Variants in ELMOD1 observed in about 807,000 individuals in gnomAD.
The protein encoded by ELMOD1 is ELMO domain containing 1.
Under a neutral mutation model 46.7 loss-of-function variants are expected in ELMOD1, and 21 were observed. The ratio of observed to expected loss-of-function variants is 0.45; its 90% CI spans 0.32 to 0.65. ELMOD1 has a LOEUF of 0.65. Ranked by LOEUF, ELMOD1 falls within the 30% of genes least tolerant of loss-of-function variation. The pLI is 0.04. For missense variants in ELMOD1, 348 were observed against 407.8 expected (o/e 0.85, Z 1.26); for synonymous variants, 122 against 138.2 (o/e 0.88, Z 0.82).
At chr11:107,614,525 G>A (rs1157547877) in intron 1 of ELMOD1, among the ~76,000 whole-genome samples, 1 of 152,104 alleles carries the variant, frequency 6.6e-6, no homozygotes, top group East Asian at 1.9e-4. Flanking sequence ...TTTTAGTACA[G>A]ACAGGGTTTC....
At position 107,666,759 on chromosome 11, in the gene ELMOD1, A is replaced by T. The variant is rs976376037; in HGVS notation, c.*1562A>T. 1 of 152,668 alleles carries T rather than the reference A, an allele frequency of 6.6e-6. No individual in the cohort carries two copies. Among genetic ancestry groups the T allele is most frequent in the African/African-American group, 2.4e-5 (1 of 41,460 alleles). The allele number at this position is 152,668 out of a possible 1,614,324, so 9.5% of individuals were successfully genotyped here. On this transcript the variant is annotated 3_prime_UTR_variant, in exon 12 of 12. Transcript: ENST00000265840. Reference sequence around the variant, plus strand: ...ATTGTCAGTTATATGAATAAATTACATGTCATTCTACTGTAACGTATATTG... The same window carrying T: ...ATTGTCAGTTATATGAATAAATTACTTGTCATTCTACTGTAACGTATATTG...
At chr11:107,598,809 G>C (rs1032757154) in intron 1 of ELMOD1, among the ~76,000 whole-genome samples, 7 of 152,166 alleles carry the variant, frequency 4.6e-5, no homozygotes, top group African/African-American at 1.7e-4. Flanking sequence ...GTTATTTTTG[G>C]CTACATAGCC....
At chr11:107,656,929 C>T (rs1053220946) in intron 11 of ELMOD1, among the ~76,000 whole-genome samples, 8 of 152,116 alleles carry the variant, frequency 5.3e-5, no homozygotes, top group East Asian at 1.9e-4. Flanking sequence ...GTCAAATTAA[C>T]GGATCACTCT....
chr11:107,649,908 A>C (rs796899287), intron 7 of ELMOD1, among the ~76,000 whole-genome samples: 22 of 152,300 alleles, frequency 1.4e-4, no homozygotes, highest in African/African-American at 4.8e-4. Context: ...TCAAATTCCC[A>C]ATGAATATTT....
chr11:107,627,266 G>A (rs1047153842), intron 2 of ELMOD1, among the ~76,000 whole-genome samples: 1 of 152,134 alleles, frequency 6.6e-6, no homozygotes, highest in African/African-American at 2.4e-5. Flanking sequence ...GTTGGCCTAG[G>A]AATTATGAAA....
At chr11:107,657,750 A>G (rs1200344951) in intron 11 of ELMOD1, among the ~76,000 whole-genome samples, 1 of 152,248 alleles carries the variant, frequency 6.6e-6, no homozygotes, top group Non-Finnish European at 1.5e-5. Flanking sequence ...TCCTAAAGGA[A>G]TAAATGGGGT....
At chr11:107,656,417 ATATT>A (rs1255973447) in intron 11 of ELMOD1, among the ~76,000 whole-genome samples, 5 of 127,860 alleles carry the variant, frequency 3.9e-5, no homozygotes, top group Non-Finnish European at 7.5e-5. Context: ...TATATTATAT[ATATT>A]ATATATATAA....
intron 1 of ELMOD1, among the ~76,000 whole-genome samples, chr11:107,610,326 T>C (rs912680453): frequency 2.0e-5 from 3 of 152,120 alleles, no homozygotes; most frequent in Non-Finnish European, 4.4e-5. Context: ...AGGGTGAATT[T>C]TTCTATATGT....
chr11:107,654,055 A>G (rs1866576428), intron 9 of ELMOD1, 117 bp from the exon 10 acceptor site: 1 of 808,876 alleles, frequency 1.2e-6, no homozygotes. Context: ...TTTGTTGGAT[A>G]ATTGAGCTAC....
chr11:107,664,268 T>C (rs561617), intron 11 of ELMOD1, among the ~76,000 whole-genome samples: 15,031 of 151,868 alleles, frequency 0.099, 1,683 homozygotes, highest in East Asian at 0.3. Flanking sequence ...AAAAACACTA[T>C]GCATATTTCA....
chr11:107,607,256 T>A (rs1285433533), intron 1 of ELMOD1, among the ~76,000 whole-genome samples: 1 of 152,228 alleles, frequency 6.6e-6, no homozygotes, highest in Admixed American at 6.5e-5. Context: ...AGAGAGAAAC[T>A]AAAATTTTTC....
rs766676566 is a variant in ELMOD1, at chr11:107,630,667, T to G, written c.164-33T>G. ...TCTAAACCATGTGTAAAGGATAATC[T>G]TTGAATGACTGTTTTTGTTGCTGCT... On this transcript the variant is annotated intron_variant, in intron 3 of 11. Transcript: ENST00000265840. The G allele has an allele frequency of 3.1e-6, 5 of 1,606,600 alleles. No individual in the cohort carries two copies. The South Asian group carries it at 3.4e-5, about 11-fold the overall frequency.
At position 107,650,388 on chromosome 11, in the gene ELMOD1, T is replaced by C; in HGVS notation, c.608T>C (p.Leu203Pro). ...GCTCAGCAGGTCCTGTCTGACTCTC[T>C]TCATCCGAAATGCAGGTAATTGTTG... Reference protein sequence around the residue: ...TAAQQVLSDSLHPKCRDITKE... With the variant: ...TAAQQVLSDSPHPKCRDITKE... Residue 203 changes from leucine (L) to proline (P), a missense_variant, in exon 8 of 12, where the codon CTT (leucine) becomes CCT (proline). Transcript: ENST00000265840. 1 of 1,590,944 alleles carries C rather than the reference T, an allele frequency of 6.3e-7. No individual in the cohort carries two copies. The highest frequency in any genetic ancestry group is 8.6e-7 in the Non-Finnish European group (1 of 1,167,686).
chr11:107,664,592 G>A (rs185844159), intron 11 of ELMOD1, among the ~76,000 whole-genome samples: 5 of 152,146 alleles, frequency 3.3e-5, no homozygotes, highest in East Asian at 3.9e-4. Flanking sequence ...TTGATTTGTC[G>A]GGGTAATTTA....
At chr11:107,592,690 G>T in intron 1 of ELMOD1, 1 of 215,428 alleles carries the variant, frequency 4.6e-6, no homozygotes, top group Middle Eastern at 1.9e-3. Context: ...TTTTTCATAG[G>T]AAGAAGAAAT....
At chr11:107,623,414 C>T (rs1591115427) in intron 2 of ELMOD1, 1 of 152,232 alleles carries the variant, frequency 6.6e-6, no homozygotes, top group Non-Finnish European at 1.5e-5. Flanking sequence ...AGGGCCAACT[C>T]TTTGGCCACT....
At chr11:107,645,653 T>G (rs1866416527) in intron 6 of ELMOD1, among the ~76,000 whole-genome samples, 1 of 152,206 alleles carries the variant, frequency 6.6e-6, no homozygotes, top group Non-Finnish European at 1.5e-5. Context: ...TGCAGGGCAC[T>G]GGCACATTCT....
At chr11:107,621,807 A>G (rs1865954258) in intron 2 of ELMOD1, among the ~76,000 whole-genome samples, 1 of 112,402 alleles carries the variant, frequency 8.9e-6, no homozygotes, top group South Asian at 3.1e-4. Context: ...CAGGTGGATC[A>G]CCTGAGGTCA....
chr11:107,655,970 C>T lies in ELMOD1; in HGVS notation c.736C>T (p.Leu246=), dbSNP rs771585870. The T allele has an allele frequency of 3.7e-6, 6 of 1,602,548 alleles. No homozygotes were observed. In the East Asian group the frequency reaches 6.7e-5, roughly 18 times the overall value. The stretch of plus-strand genomic sequence containing the variant: ...AATTGTGGGCATCAATATAACTGAC[C>T]TGGCATATAATCTACTGGTCAGCGG... ...FAIVGINITD[L]AYNLLVSGAL... Residue 246 remains leucine, a synonymous_variant, in exon 11 of 12, where the codon CTG becomes TTG. Transcript: ENST00000265840.
Sources: gnomAD v4.1 joint callset for allele counts (sites outside exome capture counted in the v4.1 genomes callset) on GRCh38, gnomAD v4.1.1 for gene constraint, MANE v1.5 for transcripts, NCBI Gene and HGNC (gene_info 2026-07-23, HGNC 2026-07-21) for gene names.